Variants in BMP3 observed in about 807,000 individuals in gnomAD.
BMP3 encodes bone morphogenetic protein 3.
In BMP3, 23 loss-of-function variants were observed where a neutral mutation model predicts 38.1. The observed-to-expected ratio is 0.60, with a 90% CI of 0.43 to 0.86. The LOEUF (loss-of-function observed/expected upper bound fraction) is 0.86, where lower values mean the gene tolerates loss of function less well. Among genes scored for constraint, BMP3 ranks in the 40% least tolerant of loss-of-function variants. The pLI is 0.00. For missense variants in BMP3, 628 were observed against 579.6 expected (o/e 1.08, Z -0.86); for synonymous variants, 258 against 225.7 (o/e 1.14, Z -1.28).
intron 1 of BMP3, among the ~76,000 whole-genome samples, chr4:81,043,157 T>C (rs973264707): frequency 6.6e-6 from 1 of 152,256 alleles, no homozygotes; most frequent in African/African-American, 2.4e-5. Context: ...AATTTCACGA[T>C]TGCGTGTGTG....
intron 1 of BMP3, among the ~76,000 whole-genome samples, chr4:81,033,762 G>A (rs990691687): frequency 2.0e-5 from 3 of 152,222 alleles, no homozygotes; most frequent in East Asian, 1.9e-4. Flanking sequence ...TCCCTCTCTC[G>A]TCATCCATAT....
rs5859748 is a variant in BMP3, at chr4:81,032,194, C to CAAAAAAAAAAAAA, written c.316+608_316+620dup. ...ACTTTACTTGATAGTTCCTTAGTGG[C>CAAAAAAAAAAAAA]AAAAAAAAAAAAAAAAAAAAAAAAA... On this transcript the variant is annotated intron_variant, in intron 1 of 2. Transcript: ENST00000282701. 1.1e-3 allele frequency among the ~76,000 whole-genome samples: 84 copies of CAAAAAAAAAAAAA among 74,034 alleles called. 9 individuals are homozygous for CAAAAAAAAAAAAA. The highest frequency in any genetic ancestry group is 3.7e-3 in the African/African-American group (77 of 20,692). The allele number at this position is 74,034 out of a possible 152,430, so 48.6% of individuals were successfully genotyped here.
chr4:81,054,895 G>GT lies in BMP3; in HGVS notation c.*1360dup, dbSNP rs1345589293. ...TGTGGTTAATCCTCATTTTAGTTCCGTCTTATCTGATACTTAGAAATATCT... is the reference window on the plus strand; with the variant it reads ...TGTGGTTAATCCTCATTTTAGTTCCGTTCTTATCTGATACTTAGAAATATCT... On this transcript the variant is annotated 3_prime_UTR_variant, in exon 3 of 3. Transcript: ENST00000282701. 4 of 152,086 alleles carry GT rather than the reference G, an allele frequency of 2.6e-5. No homozygotes were observed. Among genetic ancestry groups the GT allele is most frequent in the African/African-American group, 9.7e-5 (4 of 41,418 alleles). The allele number at this position is 152,086 out of a possible 1,614,324, so 9.4% of individuals were successfully genotyped here. A position where few individuals can be genotyped will look rare whatever the true frequency, so the allele number is the denominator to read the frequency against.
In BMP3 at chr4:81,053,539, T is replaced by C; in HGVS notation, c.*3T>C. The C allele has an allele frequency of 6.9e-7, 1 of 1,453,576 alleles. No homozygotes were observed. The highest frequency in any genetic ancestry group is 9.1e-7 in the Non-Finnish European group (1 of 1,098,286). 90.0% of individuals were successfully genotyped at this position (1,453,576 alleles called of 1,614,324 possible). On this transcript the variant is annotated 3_prime_UTR_variant, in exon 3 of 3. Transcript: ENST00000282701. ...TAGAGTCTTGCGCTTGCAGATAACC[T>C]GGCAAAGAACTCATTTGAATGCTTA...
At position 81,031,548 on chromosome 4, in the gene BMP3, T is replaced by A. The variant is rs751309476; in HGVS notation, c.264T>A (p.Pro88=). Residue 88 remains proline (P), a synonymous_variant, in exon 1 of 3, where the codon CCT becomes CCA. Coordinates refer to ENST00000282701, the MANE Select transcript of BMP3 (RefSeq NM_001201.5). ...AGGGAGGCTCGCAGCCCTGGCGCCC[T>A]CGGCTCCTGCGCGAAGGCAACACGG... is the stretch of plus-strand genomic sequence containing the variant. ...SLEGGSQPWR[P]RLLREGNTVR... 5.6e-6 allele frequency: 9 copies of A among 1,610,774 alleles called. No individual in the cohort carries two copies. In the South Asian group the frequency reaches 1.0e-4, roughly 18 times the overall value.
intron 1 of BMP3, among the ~76,000 whole-genome samples, chr4:81,044,450 G>T (rs1740175817): frequency 6.6e-6 from 1 of 152,078 alleles, no homozygotes; most frequent in African/African-American, 2.4e-5. Context: ...CTGCATAATT[G>T]TTTTGCTTTG....
rs1739743891 is a variant in BMP3 at position 81,031,182 on chromosome 4, A to G, written c.-103A>G. On this transcript the variant is annotated 5_prime_UTR_variant, in exon 1 of 3. Coordinates refer to ENST00000282701, the MANE Select transcript of BMP3 (RefSeq NM_001201.5). ...CCCGGGCTCCGTGCGCCCTCGCCCC[A>G]GCTGGTTTGGAGTTCAACCCTCGGC... The G allele has an allele frequency of 1.6e-6, 2 of 1,268,274 alleles. No individual in the cohort carries two copies. Among genetic ancestry groups the G allele is most frequent in the Non-Finnish European group, 2.1e-6 (2 of 943,218 alleles). 78.6% of individuals were successfully genotyped at this position (1,268,274 alleles called of 1,614,324 possible). A position where few individuals can be genotyped will look rare whatever the true frequency, so the allele number is the denominator to read the frequency against.
At chr4:81,033,279 T>C (rs750625780) in intron 1 of BMP3, among the ~76,000 whole-genome samples, 5 of 152,234 alleles carry the variant, frequency 3.3e-5, no homozygotes, top group Non-Finnish European at 5.9e-5. Context: ...ATTCACGTAT[T>C]GTATAGCTTT....
chr4:81,038,230 A>G (rs1381910507), intron 1 of BMP3, among the ~76,000 whole-genome samples: 1 of 152,152 alleles, frequency 6.6e-6, no homozygotes, highest in Non-Finnish European at 1.5e-5. Flanking sequence ...TTTGCCATAA[A>G]GAAGTCTTCA....
At chr4:81,038,797 G>T (rs1230869974) in intron 1 of BMP3, among the ~76,000 whole-genome samples, 1 of 152,094 alleles carries the variant, frequency 6.6e-6, no homozygotes, top group Non-Finnish European at 1.5e-5. Context: ...ATACCTTTTG[G>T]GACTTAAGTG....
chr4:81,039,510 TGCAATAG>T (rs1740011318), intron 1 of BMP3, among the ~76,000 whole-genome samples: 1 of 152,174 alleles, frequency 6.6e-6, no homozygotes, highest in African/African-American at 2.4e-5. Flanking sequence ...ACTGAAGTGT[TGCAATAG>T]CATGGCTGGC....
chr4:81,042,104 A>C (rs1218422549), intron 1 of BMP3, among the ~76,000 whole-genome samples: 3 of 152,224 alleles, frequency 2.0e-5, no homozygotes, highest in Admixed American at 6.5e-5. Context: ...AAGTGAGATT[A>C]ATTTTAATAA....
At chr4:81,037,575 G>C (rs72868589) in intron 1 of BMP3, among the ~76,000 whole-genome samples, 4,771 of 152,170 alleles carry the variant, frequency 0.031, 237 homozygotes, top group African/African-American at 0.11. Context: ...TGCTTTAAAA[G>C]TTTTGAAGTC....
At chr4:81,050,978 T>C (rs988547295) in intron 2 of BMP3, among the ~76,000 whole-genome samples, 4 of 151,522 alleles carry the variant, frequency 2.6e-5, no homozygotes. Flanking sequence ...GATGTAATTA[T>C]TTCTGTTAAT....
rs373752528 is a variant in BMP3 at position 81,046,098 on chromosome 4, G to T, written c.677G>T (p.Arg226Leu). The T allele has an allele frequency of 6.2e-7, 1 of 1,614,108 alleles. No individual in the cohort carries two copies. The highest frequency in any genetic ancestry group is 8.5e-7 in the Non-Finnish European group (1 of 1,180,024). The change falls in exon 2 of 3, where the codon CGC becomes CTC. Residue 226 changes from arginine (R) to leucine (L), a missense_variant. Transcript: ENST00000282701. ...LIGFNITSKGRQLPKRRLPFP... is the reference protein window; with the variant it reads ...LIGFNITSKGLQLPKRRLPFP... ...GGATTTAACATTACGTCCAAGGGAC[G>T]CCAGCTGCCAAAGAGGAGGTTACCT... is the stretch of plus-strand genomic sequence containing the variant.
intron 1 of BMP3, among the ~76,000 whole-genome samples, chr4:81,041,426 A>C (rs929623100): frequency 6.6e-6 from 1 of 152,214 alleles, no homozygotes; most frequent in Non-Finnish European, 1.5e-5. Flanking sequence ...GCTTTGTGAA[A>C]TGGCTGATAA....
intron 1 of BMP3, among the ~76,000 whole-genome samples, chr4:81,032,142 C>T (rs1158996112): frequency 1.6e-5 from 2 of 125,548 alleles, no homozygotes; most frequent in African/African-American, 2.9e-5. Flanking sequence ...TAATTCGCGC[C>T]CTTTGTGTTA....
intron 1 of BMP3, among the ~76,000 whole-genome samples, chr4:81,043,618 C>T (rs969728011): frequency 3.0e-5 from 4 of 131,268 alleles, no homozygotes; most frequent in African/African-American, 1.1e-4. Context: ...GACAGCGTCT[C>T]ACTCTGTTGC....
chr4:81,035,304 C>T (rs894288979), intron 1 of BMP3, among the ~76,000 whole-genome samples: 4 of 151,800 alleles, frequency 2.6e-5, no homozygotes, highest in African/African-American at 9.7e-5. Flanking sequence ...TAGCTAGAAA[C>T]ACTTGAAGAG....
Sources: gnomAD v4.1 joint callset for allele counts (sites outside exome capture counted in the v4.1 genomes callset) on GRCh38, gnomAD v4.1.1 for gene constraint, MANE v1.5 for transcripts, NCBI Gene and HGNC (gene_info 2026-07-23, HGNC 2026-07-21) for gene names.